The following MCOLN2 variants were observed in gnomAD, a reference collection of about 807,000 sequenced individuals.
MCOLN2 encodes mucolipin TRP cation channel 2, also known as mucolipin-2.
Under a neutral mutation model 67.5 loss-of-function variants are expected in MCOLN2, and 57 were observed. The observed-to-expected ratio is 0.84, with a 90% CI of 0.68 to 1.05. The LOEUF is 1.05. Ranked by LOEUF, MCOLN2 falls within the 50% of genes least tolerant of loss-of-function variation. MCOLN2 has a pLI of 0.00. For missense variants in MCOLN2, 620 were observed against 678.8 expected (o/e 0.91, Z 0.96); for synonymous variants, 246 against 233.3 (o/e 1.05, Z -0.50).
intron 1 of MCOLN2, among the ~76,000 whole-genome samples, chr1:84,970,617 A>G (rs2102866072): frequency 6.6e-6 from 1 of 152,298 alleles, no homozygotes; most frequent in South Asian, 2.1e-4. Flanking sequence ...CAGGAGGCAG[A>G]GGTTGCAGTG....
chr1:84,934,132 C>G (rs190083117), intron 11 of MCOLN2, among the ~76,000 whole-genome samples: 188 of 152,306 alleles, frequency 1.2e-3, no homozygotes, highest in African/African-American at 4.4e-3. Context: ...AGGTACTACT[C>G]TCTCTCTGCT....
At chr1:84,932,937 T>A (rs1647247810) in intron 11 of MCOLN2, among the ~76,000 whole-genome samples, 1 of 152,250 alleles carries the variant, frequency 6.6e-6, no homozygotes, top group African/African-American at 2.4e-5. Flanking sequence ...AAAGTTTGGA[T>A]GCAAAATAAA....
At chr1:84,977,983 T>C (rs369418918) in intron 1 of MCOLN2, among the ~76,000 whole-genome samples, 3 of 152,212 alleles carry the variant, frequency 2.0e-5, no homozygotes, top group African/African-American at 7.2e-5. Context: ...ACAGACCATA[T>C]ATTAAGTCAC....
chr1:84,940,850 G>T, intron 8 of MCOLN2, 29 bp downstream of exon 8: 3 of 1,503,894 alleles, frequency 2.0e-6, no homozygotes, highest in Non-Finnish European at 2.8e-6. Context: ...GGCCAAGAGG[G>T]CAGGAAGAGA....
At chr1:84,969,806 T>C (rs1404657007) in intron 1 of MCOLN2, among the ~76,000 whole-genome samples, 1 of 152,146 alleles carries the variant, frequency 6.6e-6, no homozygotes, top group African/African-American at 2.4e-5. Flanking sequence ...GACTTGTCAA[T>C]GCATAATTAT....
chr1:84,966,225 C>CT (rs1649375849), intron 1 of MCOLN2, among the ~76,000 whole-genome samples: 1 of 151,936 alleles, frequency 6.6e-6, no homozygotes, highest in Admixed American at 6.6e-5. Flanking sequence ...GTACTCCAGC[C>CT]TGGGTGACAG....
intron 1 of MCOLN2, among the ~76,000 whole-genome samples, chr1:84,985,733 C>T (rs1650474206): frequency 6.6e-6 from 1 of 152,142 alleles, no homozygotes; most frequent in Non-Finnish European, 1.5e-5. Flanking sequence ...TACACTTAAC[C>T]AAGGAGGTGA....
chr1:84,934,468 T>G (rs1013410088), intron 11 of MCOLN2, among the ~76,000 whole-genome samples: 3 of 152,210 alleles, frequency 2.0e-5, no homozygotes, highest in African/African-American at 4.8e-5. Context: ...CATAAATATT[T>G]GCTTTAAGAG....
intron 1 of MCOLN2, among the ~76,000 whole-genome samples, chr1:84,983,536 A>G (rs6576735): frequency 0.44 from 66,326 of 151,628 alleles, 15,229 homozygotes; most frequent in East Asian, 0.63. Flanking sequence ...CCAAAGTGCT[A>G]GGATTACAGG....
intron 13 of MCOLN2, among the ~76,000 whole-genome samples, chr1:84,928,798 A>T (rs994812045): frequency 2.6e-5 from 4 of 152,212 alleles, no homozygotes; most frequent in Admixed American, 2.0e-4. Context: ...TGAATTGATT[A>T]ACAGAAAAAT....
intron 2 of MCOLN2, among the ~76,000 whole-genome samples, chr1:84,961,597 T>C (rs1189626945): frequency 1.3e-5 from 2 of 152,164 alleles, no homozygotes; most frequent in Non-Finnish European, 2.9e-5. Context: ...GCGAAGTCCC[T>C]TTCTTGTTAT....
intron 6 of MCOLN2, among the ~76,000 whole-genome samples, chr1:84,951,716 G>A (rs1648480285): frequency 6.6e-6 from 1 of 152,172 alleles, no homozygotes; most frequent in South Asian, 2.1e-4. Context: ...TAGAAACTTG[G>A]TTTTTAAAAG....
At chr1:84,985,043 C>T (rs10873672) in intron 1 of MCOLN2, among the ~76,000 whole-genome samples, 75,100 of 151,684 alleles carry the variant, frequency 0.5, 18,864 homozygotes, top group Middle Eastern at 0.54. Flanking sequence ...TGGCAAACAG[C>T]CATCCTAGTC....
intron 6 of MCOLN2, among the ~76,000 whole-genome samples, chr1:84,949,307 A>G (rs1306775789): frequency 6.6e-6 from 1 of 152,102 alleles, no homozygotes; most frequent in Admixed American, 6.6e-5. Flanking sequence ...GCCCATTATA[A>G]TCAATCTGTC....
At chr1:84,965,126 A>G (rs1275728020) in intron 2 of MCOLN2, among the ~76,000 whole-genome samples, 2 of 152,238 alleles carry the variant, frequency 1.3e-5, no homozygotes, top group Non-Finnish European at 2.9e-5. Context: ...TAATCCTGAT[A>G]GCGCCTGGGA....
intron 11 of MCOLN2, among the ~76,000 whole-genome samples, chr1:84,933,862 T>C (rs1313167489): frequency 6.6e-6 from 1 of 152,072 alleles, no homozygotes; most frequent in Non-Finnish European, 1.5e-5. Flanking sequence ...CCATTTTACC[T>C]CCCCCTCCTC....
At chr1:84,931,596 T>C (rs916914989) in intron 11 of MCOLN2, 28 bp from the exon 12 acceptor site, 1 of 1,569,658 alleles carries the variant, frequency 6.4e-7, no homozygotes, top group African/African-American at 1.4e-5. Context: ...AACTAGTTTC[T>C]GAAATAGAGT....
chr1:84,937,919 T>C (rs1277462985), intron 10 of MCOLN2, 42 bp from the exon 11 acceptor site: 2 of 1,613,882 alleles, frequency 1.2e-6, no homozygotes, highest in Non-Finnish European at 1.7e-6. Context: ...AAAGTAGCTA[T>C]TAGAACCCAA....
At chr1:84,934,287 T>C (rs1281868646) in intron 11 of MCOLN2, among the ~76,000 whole-genome samples, 2 of 152,152 alleles carry the variant, frequency 1.3e-5, no homozygotes, top group South Asian at 2.1e-4. Context: ...GGGTGCACAG[T>C]AGATATTTAA....
Sources: allele counts gnomAD v4.1 joint callset (sites outside exome capture counted in the v4.1 genomes callset), GRCh38; gene constraint gnomAD v4.1.1; transcripts MANE v1.5; gene names NCBI Gene and HGNC (gene_info 2026-07-23, HGNC 2026-07-21).